ASTN2: variants seen among roughly 807,000 people sequenced by gnomAD.
The protein encoded by ASTN2 is astrotactin-2.
ASTN2 carries 54 observed loss-of-function variants against 139.8 expected under a neutral mutation model. The ratio of observed to expected loss-of-function variants is 0.39; its 90% CI spans 0.31 to 0.48. The LOEUF (loss-of-function observed/expected upper bound fraction) is 0.48, where lower values mean the gene tolerates loss of function less well. Among genes scored for constraint, ASTN2 ranks in the 20% least tolerant of loss-of-function variants. The probability of loss-of-function intolerance (pLI) is 0.95; values close to 1 mark genes in which losing one functional copy is unlikely to be tolerated. For missense variants in ASTN2, 1,565 were observed against 1,725.1 expected (o/e 0.91, Z 1.64); for synonymous variants, 756 against 719.5 (o/e 1.05, Z -0.81).
At chr9:116,893,352 AT>A (rs757844256) in intron 10 of ASTN2, among the ~76,000 whole-genome samples, 60 of 152,230 alleles carry the variant, frequency 3.9e-4, no homozygotes, top group Middle Eastern at 3.4e-3. Flanking sequence ...ATTAGAGAAC[AT>A]TTGGTTGTTG....
chr9:116,842,267 T>C (rs1832284050), intron 11 of ASTN2, among the ~76,000 whole-genome samples: 1 of 152,124 alleles, frequency 6.6e-6, no homozygotes, highest in South Asian at 2.1e-4. Flanking sequence ...AGGAAGGAAA[T>C]GAAATGCATA....
intron 19 of ASTN2, among the ~76,000 whole-genome samples, chr9:116,512,338 C>G (rs1248843608): frequency 6.6e-6 from 1 of 152,110 alleles, no homozygotes; most frequent in East Asian, 1.9e-4. Flanking sequence ...ATCTTGAGGC[C>G]TAGTTTGATT....
chr9:117,289,079 A>C (rs532173772), intron 2 of ASTN2, among the ~76,000 whole-genome samples: 2 of 152,170 alleles, frequency 1.3e-5, no homozygotes, highest in South Asian at 2.1e-4. Context: ...CTGTCTTCCT[A>C]CCTCTAGAGA....
chr9:116,482,281 G>T (rs1008085686), intron 20 of ASTN2, among the ~76,000 whole-genome samples: 3 of 152,028 alleles, frequency 2.0e-5, no homozygotes, highest in African/African-American at 7.3e-5. Flanking sequence ...AGCCAAGATT[G>T]CGCCCCTGCA....
At chr9:117,381,883 A>G (rs1327629075) in intron 1 of ASTN2, among the ~76,000 whole-genome samples, 1 of 152,176 alleles carries the variant, frequency 6.6e-6, no homozygotes, top group African/African-American at 2.4e-5. Context: ...TAGAGAGGGT[A>G]AAAATAAGGA....
At position 116,866,703 on chromosome 9, in the gene ASTN2, T is replaced by A. The variant is rs118187370; in HGVS notation, c.1890-2970A>T. ...GGGCTAGGTCAGGAGATGAGGACTATCCTGGCTAACATGGTGAAACCTCGT... is the reference window on the plus strand; with the variant it reads ...GGGCTAGGTCAGGAGATGAGGACTAACCTGGCTAACATGGTGAAACCTCGT... On this transcript the variant is annotated intron_variant, in intron 10 of 22. Coordinates refer to ENST00000313400, the MANE Select transcript of ASTN2 (RefSeq NM_001365068.1). Among the ~76,000 whole-genome samples the A allele has an allele frequency of 4.6e-3, 697 of 152,028 alleles. 18 individuals carry two copies. The highest frequency in any genetic ancestry group is 0.025 in the East Asian group (129 of 5,134).
At chr9:117,086,783 G>T (rs1159717086) in intron 5 of ASTN2, among the ~76,000 whole-genome samples, 2 of 152,128 alleles carry the variant, frequency 1.3e-5, no homozygotes, top group African/African-American at 4.8e-5. Flanking sequence ...AGGCGCTGAT[G>T]CATTCACCTG....
At chr9:117,405,212 G>C (rs1020941155) in intron 1 of ASTN2, among the ~76,000 whole-genome samples, 1 of 152,212 alleles carries the variant, frequency 6.6e-6, no homozygotes, top group Non-Finnish European at 1.5e-5. Flanking sequence ...AAAGTCTAGA[G>C]ATGAAAAGTT....
At chr9:116,596,809 G>A (rs769757520) in intron 19 of ASTN2, among the ~76,000 whole-genome samples, 3 of 152,086 alleles carry the variant, frequency 2.0e-5, no homozygotes, top group Non-Finnish European at 4.4e-5. Flanking sequence ...ATGGGATTAA[G>A]ACTCACGTGC....
chr9:117,154,170 C>T (rs1461598465), intron 3 of ASTN2, among the ~76,000 whole-genome samples: 1 of 151,982 alleles, frequency 6.6e-6, no homozygotes, highest in Non-Finnish European at 1.5e-5. Flanking sequence ...TAAATATGTC[C>T]TATTTCTCAA....
At chr9:117,252,039 T>C (rs1437854720) in intron 2 of ASTN2, among the ~76,000 whole-genome samples, 1 of 152,224 alleles carries the variant, frequency 6.6e-6, no homozygotes, top group African/African-American at 2.4e-5. Flanking sequence ...GAACAACCTC[T>C]GATAAAATTA....
intron 7 of ASTN2, among the ~76,000 whole-genome samples, chr9:116,986,232 C>T (rs1025432494): frequency 6.7e-6 from 1 of 148,816 alleles, no homozygotes; most frequent in Non-Finnish European, 1.5e-5. Context: ...CTGCAGCTGC[C>T]CTTCCAGGCT....
At chr9:117,062,899 C>T (rs534086797) in intron 5 of ASTN2, among the ~76,000 whole-genome samples, 1 of 152,282 alleles carries the variant, frequency 6.6e-6, no homozygotes, top group East Asian at 1.9e-4. Flanking sequence ...CGCAGGAAGA[C>T]TAAGGATACA....
At chr9:116,799,859 C>A (rs1205598452) in intron 13 of ASTN2, among the ~76,000 whole-genome samples, 3 of 152,184 alleles carry the variant, frequency 2.0e-5, no homozygotes, top group South Asian at 4.2e-4. Context: ...TCACTGAGAC[C>A]AACACTTAGC....
intron 12 of ASTN2, among the ~76,000 whole-genome samples, chr9:116,815,314 C>T (rs182083436): frequency 1.3e-5 from 2 of 152,242 alleles, no homozygotes; most frequent in East Asian, 3.9e-4. Flanking sequence ...GACAGAGAGG[C>T]TATTAAGGAC....
intron 17 of ASTN2, among the ~76,000 whole-genome samples, chr9:116,636,800 C>T (rs372790205): frequency 5.9e-5 from 9 of 152,258 alleles, no homozygotes; most frequent in East Asian, 5.8e-4. Context: ...GATCTCTCCC[C>T]GAAAATTCAT....
At chr9:117,002,530 A>G (rs1053065465) in intron 7 of ASTN2, among the ~76,000 whole-genome samples, 29 of 152,204 alleles carry the variant, frequency 1.9e-4, no homozygotes, top group African/African-American at 7.0e-4. Flanking sequence ...ATTCAGATAC[A>G]TGGATGCTGC....
At chr9:117,338,129 C>G (rs747352257) in intron 1 of ASTN2, among the ~76,000 whole-genome samples, 7 of 152,168 alleles carry the variant, frequency 4.6e-5, no homozygotes, top group African/African-American at 1.7e-4. Flanking sequence ...ATGGAGAGAA[C>G]AGAAGGATTA....
intron 3 of ASTN2, among the ~76,000 whole-genome samples, chr9:117,207,149 C>T (rs1206459113): frequency 1.3e-5 from 2 of 152,194 alleles, no homozygotes; most frequent in African/African-American, 4.8e-5. Flanking sequence ...GGGCACACAC[C>T]TGAGCCAGCC....
Sources: allele counts gnomAD v4.1 joint callset (sites outside exome capture counted in the v4.1 genomes callset), GRCh38; gene constraint gnomAD v4.1.1; transcripts MANE v1.5; gene names NCBI Gene and HGNC (gene_info 2026-07-23, HGNC 2026-07-21).